SLC25A13: variants seen among roughly 807,000 people sequenced by gnomAD.
The protein encoded by SLC25A13 is solute carrier family 25 member 13.
A neutral mutation model predicts 85.5 loss-of-function variants in SLC25A13; 70 were observed. That is an observed-to-expected ratio of 0.82 (90% CI 0.68 to 1.00). SLC25A13 has a LOEUF of 1.00. Ranked by LOEUF, SLC25A13 falls within the 50% of genes least tolerant of loss-of-function variation. The pLI is 0.00. For missense variants in SLC25A13, 765 were observed against 819.8 expected, an observed-to-expected ratio of 0.93 and a Z score of 0.82; for synonymous variants, 259 against 288.7, an observed-to-expected ratio of 0.90 and a Z score of 1.04.
chr7:96,231,112 AAAAC>A (rs1221677473), intron 4 of SLC25A13, among the ~76,000 whole-genome samples: 3 of 152,186 alleles, frequency 2.0e-5, no homozygotes, highest in African/African-American at 7.2e-5. Context: ...GTTCATCTGA[AAAAC>A]AAACAACACT....
At chr7:96,285,879 G>A (rs57395067) in intron 2 of SLC25A13, among the ~76,000 whole-genome samples, 3,817 of 152,270 alleles carry the variant, frequency 0.025, 97 homozygotes, top group African/African-American at 0.066. Flanking sequence ...TAGGCAAACA[G>A]AAAAACGCAT....
chr7:96,211,522 A>G (rs899025375), intron 4 of SLC25A13, among the ~76,000 whole-genome samples: 1 of 152,050 alleles, frequency 6.6e-6, no homozygotes, highest in Non-Finnish European at 1.5e-5. Flanking sequence ...GCACATATTA[A>G]TGTGTTTGTG....
chr7:96,274,594 C>A (rs1798372645), intron 3 of SLC25A13, among the ~76,000 whole-genome samples: 2 of 152,070 alleles, frequency 1.3e-5, no homozygotes, highest in South Asian at 4.2e-4. Context: ...ATGCCTATGT[C>A]CTGAATGGTA....
At chr7:96,168,948 T>C (rs1487152415) in intron 13 of SLC25A13, among the ~76,000 whole-genome samples, 1 of 152,230 alleles carries the variant, frequency 6.6e-6, no homozygotes, top group African/African-American at 2.4e-5. Context: ...TTGATTATTA[T>C]TGTGTGCCCT....
chr7:96,179,064 T>G (rs936248421), intron 11 of SLC25A13, among the ~76,000 whole-genome samples: 2 of 152,230 alleles, frequency 1.3e-5, no homozygotes, highest in African/African-American at 4.8e-5. Flanking sequence ...AGGATGCCTT[T>G]GGGAGACAAA....
rs564491854 is a variant in SLC25A13, at chr7:96,229,090, T to C, written c.328+5712A>G. Among the ~76,000 whole-genome samples, 290 of 152,170 alleles carry C rather than the reference T, an allele frequency of 1.9e-3. 2 individuals carry two copies. The highest frequency in any genetic ancestry group is 3.1e-3 in the Non-Finnish European group (209 of 67,982). On this transcript the variant is annotated intron_variant, in intron 4 of 17. Coordinates refer to ENST00000265631, the MANE Select transcript of SLC25A13 (RefSeq NM_014251.3). ...CACCGACCACCCAAGGGCTGAGGAGTGCAGGCGCATGGCGTGGGACTGATG... is the reference window on the plus strand; with the variant it reads ...CACCGACCACCCAAGGGCTGAGGAGCGCAGGCGCATGGCGTGGGACTGATG...
intron 2 of SLC25A13, among the ~76,000 whole-genome samples, chr7:96,291,601 C>CACAGAAATAAAAACT (rs1799121753): frequency 6.6e-6 from 1 of 152,118 alleles, no homozygotes. Flanking sequence ...GGGATATCTC[C>CACAGAAATAAAAACT]ACCGATCCCA....
chr7:96,240,594 C>T (rs1404797032), intron 3 of SLC25A13, among the ~76,000 whole-genome samples: 2 of 151,408 alleles, frequency 1.3e-5, no homozygotes, highest in African/African-American at 4.9e-5. Flanking sequence ...AATACAGTGC[C>T]GGGGTTGGGT....
At chr7:96,321,347 G>C (rs894601715) in intron 1 of SLC25A13, among the ~76,000 whole-genome samples, 3 of 152,290 alleles carry the variant, frequency 2.0e-5, no homozygotes, top group South Asian at 4.1e-4. Flanking sequence ...GAGAGGGAGG[G>C]GGAAGATGGG....
At chr7:96,228,783 C>A (rs574685070) in intron 4 of SLC25A13, among the ~76,000 whole-genome samples, 2 of 152,180 alleles carry the variant, frequency 1.3e-5, no homozygotes, top group Admixed American at 1.3e-4. Context: ...GCGTGGGCTC[C>A]GCGGGCCCTG....
At chr7:96,165,083 T>G (rs1041563114) in intron 13 of SLC25A13, among the ~76,000 whole-genome samples, 6 of 152,332 alleles carry the variant, frequency 3.9e-5, no homozygotes, top group Non-Finnish European at 8.8e-5. Context: ...CAGGTTACCA[T>G]GCAATGCCTG....
Position 96,134,693 on chromosome 7 carries a change from C to T in SLC25A13, c.1453-2812G>A, listed in dbSNP as rs183474608. ...TCATGTATCCCTGTTACAATGGCATCTACAAGAGATGTGAGATGTACTTCA... is the reference window on the plus strand; with the variant it reads ...TCATGTATCCCTGTTACAATGGCATTTACAAGAGATGTGAGATGTACTTCA... On this transcript the variant is annotated intron_variant, in intron 14 of 17. Coordinates refer to ENST00000265631, the MANE Select transcript of SLC25A13 (RefSeq NM_014251.3). 8.6e-5 allele frequency among the ~76,000 whole-genome samples: 13 copies of T among 150,910 alleles called. No individual in the cohort carries two copies. In the East Asian group the frequency reaches 2.2e-3, roughly 25 times the overall value.
At chr7:96,191,820 T>A (rs79865157) in intron 6 of SLC25A13, among the ~76,000 whole-genome samples, 5,148 of 152,210 alleles carry the variant, frequency 0.034, 223 homozygotes, top group African/African-American at 0.099. Flanking sequence ...TGAGATGCCA[T>A]ATACTTTCAT....
chr7:96,172,221 T>C (rs890194357), intron 11 of SLC25A13, among the ~76,000 whole-genome samples: 1 of 152,120 alleles, frequency 6.6e-6, no homozygotes, highest in Non-Finnish European at 1.5e-5. Flanking sequence ...TGTGTTTTAT[T>C]GAGTAACAAA....
At position 96,254,876 on chromosome 7, in the gene SLC25A13, G is replaced by A. The variant is rs535049506; in HGVS notation, c.213-19959C>T. Reference sequence around the variant, plus strand: ...GAGTCAGGGTGAAAAGGACGGGCATGTTAAGACAGACTTCCCTGAGCATAC... The same window carrying A: ...GAGTCAGGGTGAAAAGGACGGGCATATTAAGACAGACTTCCCTGAGCATAC... On this transcript the variant is annotated intron_variant, in intron 3 of 17. Transcript: ENST00000265631. Among the ~76,000 whole-genome samples the A allele has an allele frequency of 1.9e-4, 29 of 152,260 alleles. No homozygotes were observed. The East Asian group carries it at 4.6e-3, about 24-fold the overall frequency.
chr7:96,227,111 A>G (rs919900608), intron 4 of SLC25A13, among the ~76,000 whole-genome samples: 1 of 152,234 alleles, frequency 6.6e-6, no homozygotes, highest in Non-Finnish European at 1.5e-5. Flanking sequence ...TCACGTTTCT[A>G]CTACCTTCCT....
intron 10 of SLC25A13, chr7:96,184,706 G>C: frequency 1.6e-6 from 1 of 630,022 alleles, no homozygotes; most frequent in Non-Finnish European, 2.8e-6. Context: ...TGGAAGGCCT[G>C]ATCTGTAGAT....
intron 4 of SLC25A13, among the ~76,000 whole-genome samples, chr7:96,231,825 A>T (rs139672032): frequency 1.9e-4 from 29 of 152,336 alleles, no homozygotes; most frequent in African/African-American, 6.7e-4. Flanking sequence ...AAGGCTCAAC[A>T]TCACTGGTAA....
chr7:96,132,597 C>T (rs534159503), intron 14 of SLC25A13, among the ~76,000 whole-genome samples: 62 of 152,222 alleles, frequency 4.1e-4, no homozygotes, highest in African/African-American at 1.5e-3. Context: ...CATGCAGAGG[C>T]CCCGCGAATT....
Sources: allele counts gnomAD v4.1 joint callset (sites outside exome capture counted in the v4.1 genomes callset), GRCh38; gene constraint gnomAD v4.1.1; transcripts MANE v1.5; gene names NCBI Gene and HGNC (gene_info 2026-07-23, HGNC 2026-07-21).